MBP: variants seen among roughly 807,000 people sequenced by gnomAD.
The protein encoded by MBP is Golli-MBP.
MBP carries 16 observed loss-of-function variants against 35.8 expected under a neutral mutation model. The ratio of observed to expected loss-of-function variants is 0.45; its 90% confidence interval spans 0.30 to 0.68. MBP has a LOEUF of 0.68. MBP is among the 30% of genes least tolerant of loss of function. The pLI is 0.08. For missense variants in MBP, 380 were observed against 404.7 expected, an observed-to-expected ratio of 0.94 and a Z score of 0.52; for synonymous variants, 143 against 159.6, an observed-to-expected ratio of 0.90 and a Z score of 0.78.
chr18:77,066,393 A>C lies in MBP; in HGVS notation c.52-8T>G. 1 of 1,530,998 alleles carries C rather than the reference A, an allele frequency of 6.5e-7. No homozygotes were observed. The allele number at this position is 1,530,998 out of a possible 1,614,324, so 94.8% of individuals were successfully genotyped here. On this transcript the variant is annotated splice_polypyrimidine_tract_variant and splice_region_variant and intron_variant, in intron 2 of 8. Coordinates refer to ENST00000355994, the MANE Select transcript of MBP (RefSeq NM_001025101.2). Reference sequence around the variant, plus strand: ...TCTGTTAGTTTCACTATTCTGGAAAAAGAAAACACAACAAACCCTTTTCTT... The same window carrying C: ...TCTGTTAGTTTCACTATTCTGGAAACAGAAAACACAACAAACCCTTTTCTT...
At chr18:77,062,446 TAG>T (rs1974019459) in intron 3 of MBP, among the ~76,000 whole-genome samples, 1 of 151,892 alleles carries the variant, frequency 6.6e-6, no homozygotes, top group South Asian at 2.1e-4. Flanking sequence ...TGTCGTGCCT[TAG>T]AGTGTTTTCT....
chr18:77,080,900 C>A (rs940812773), intron 2 of MBP, among the ~76,000 whole-genome samples: 4 of 152,124 alleles, frequency 2.6e-5, no homozygotes, highest in African/African-American at 9.7e-5. Flanking sequence ...CCAGGCTGGT[C>A]TCGAACTCCT....
At chr18:76,986,420 T>C (rs999364468) in intron 7 of MBP, 2 of 985,504 alleles carry the variant, frequency 2.0e-6, no homozygotes, top group Non-Finnish European at 2.4e-6. Flanking sequence ...CCTCAAGGCT[T>C]CCAGAGCACC....
chr18:77,017,021 C>T lies in MBP; in HGVS notation c.387G>A (p.Glu129=), dbSNP rs1293564687. The T allele has an allele frequency of 2.5e-6, 4 of 1,614,110 alleles. No homozygotes were observed. In the South Asian group the frequency reaches 4.4e-5, roughly 18 times the overall value. The part of the protein sequence containing the change: ...TIQEDSAATS[E]SLDVMASQKR... ...TCTGTGACGCCATCACATCCAGGCTCTCGGAGGTGGCTGCACTGTCTTCTT... is the reference window on the plus strand; with the variant it reads ...TCTGTGACGCCATCACATCCAGGCTTTCGGAGGTGGCTGCACTGTCTTCTT... The change falls in exon 4 of 9, where the codon GAG becomes GAA. Residue 129 remains glutamate (E), a synonymous_variant. Coordinates refer to ENST00000355994, the MANE Select transcript of MBP (RefSeq NM_001025101.2).
At chr18:77,124,705 G>T (rs1332079432) in intron 1 of MBP, among the ~76,000 whole-genome samples, 1 of 152,218 alleles carries the variant, frequency 6.6e-6, no homozygotes, top group Non-Finnish European at 1.5e-5. Context: ...TGTTGAGCGG[G>T]CAGCCACACT....
chr18:77,098,781 A>G (rs9961315), intron 2 of MBP, among the ~76,000 whole-genome samples: 66,131 of 152,162 alleles, frequency 0.43, 14,557 homozygotes, highest in East Asian at 0.61. Flanking sequence ...TTCGGCAAAC[A>G]TCACTCTCAC....
At chr18:77,048,687 C>T (rs1452723555) in intron 3 of MBP, among the ~76,000 whole-genome samples, 1 of 152,076 alleles carries the variant, frequency 6.6e-6, no homozygotes, top group East Asian at 1.9e-4. Flanking sequence ...TGGTCTCGAA[C>T]TCCTGACCTC....
intron 3 of MBP, among the ~76,000 whole-genome samples, chr18:77,026,861 G>A (rs1235084706): frequency 3.3e-5 from 5 of 152,022 alleles, no homozygotes; most frequent in Admixed American, 6.6e-5. Context: ...GCAAGACCCC[G>A]TCTCTAAATA....
chr18:77,093,912 A>G (rs1975645257), intron 2 of MBP, among the ~76,000 whole-genome samples: 1 of 151,766 alleles, frequency 6.6e-6, no homozygotes, highest in African/African-American at 2.4e-5. Context: ...ACATGGCTCC[A>G]TTTGGGGTTT....
At chr18:77,091,172 G>C (rs191351603) in intron 2 of MBP, among the ~76,000 whole-genome samples, 5 of 137,066 alleles carry the variant, frequency 3.6e-5, no homozygotes, top group African/African-American at 1.1e-4. Flanking sequence ...ATACAGTGAG[G>C]TTGCACACAC....
intron 4 of MBP, chr18:77,012,707 C>A (rs1187619099): frequency 2.3e-6 from 2 of 858,282 alleles, no homozygotes; most frequent in Non-Finnish European, 1.4e-6. Context: ...ACAAAAATGC[C>A]GGCAACACAG....
intron 2 of MBP, among the ~76,000 whole-genome samples, chr18:77,103,178 T>A (rs1352465333): frequency 6.6e-6 from 1 of 152,220 alleles, no homozygotes; most frequent in Admixed American, 6.5e-5. Flanking sequence ...AAATTACTCA[T>A]GTGGCTGACA....
intron 2 of MBP, among the ~76,000 whole-genome samples, chr18:77,075,348 C>T (rs142676754): frequency 2.8e-4 from 42 of 152,334 alleles, no homozygotes; most frequent in South Asian, 8.3e-4. Flanking sequence ...AACACTCTTA[C>T]TCCTCTTAAA....
chr18:77,085,683 G>GTTTTTTTTTTT (rs10645727), intron 2 of MBP, among the ~76,000 whole-genome samples: 1 of 124,248 alleles, frequency 8.0e-6, no homozygotes. Flanking sequence ...AGTGCAATAA[G>GTTTTTTTTTTT]TTTTTTTTTT....
intron 4 of MBP, among the ~76,000 whole-genome samples, chr18:77,002,520 G>T (rs912334884): frequency 6.6e-6 from 1 of 152,144 alleles, no homozygotes; most frequent in Non-Finnish European, 1.5e-5. Flanking sequence ...GTCCCCAAAA[G>T]GATTCAATGC....
intron 7 of MBP, 181 bp from the exon 8 acceptor site, chr18:76,985,075 C>T: frequency 6.6e-7 from 1 of 1,507,808 alleles, no homozygotes; most frequent in Non-Finnish European, 8.9e-7. Context: ...AGGCTGCTCC[C>T]CCAGGTCTAC....
chr18:77,085,574 T>C (rs1975192850), intron 2 of MBP, among the ~76,000 whole-genome samples: 1 of 152,210 alleles, frequency 6.6e-6, no homozygotes, highest in Non-Finnish European at 1.5e-5. Flanking sequence ...CATTATGTTT[T>C]TACTGTCATT....
intron 1 of MBP, among the ~76,000 whole-genome samples, chr18:77,118,432 C>T (rs1040157359): frequency 1.3e-5 from 2 of 151,972 alleles, no homozygotes; most frequent in African/African-American, 2.4e-5. Context: ...GGCCATGATC[C>T]GTGAGCTGCT....
chr18:77,113,955 T>C (rs913901446), intron 1 of MBP: 1 of 152,218 alleles, frequency 6.6e-6, no homozygotes, highest in South Asian at 2.1e-4. Context: ...TGGAGGGACC[T>C]AGGCTCCCGG....
Sources: gnomAD v4.1 joint callset for allele counts (sites outside exome capture counted in the v4.1 genomes callset) on GRCh38, gnomAD v4.1.1 for gene constraint, MANE v1.5 for transcripts, NCBI Gene and HGNC (gene_info 2026-07-23, HGNC 2026-07-21) for gene names.